ADAMTS3: variants seen among roughly 807,000 people sequenced by gnomAD.
ADAMTS3 encodes the protein A disintegrin and metalloproteinase with thrombospondin motifs 3.
A neutral mutation model predicts 129.0 loss-of-function variants in ADAMTS3; 73 were observed. That is an observed-to-expected ratio of 0.57 (90% CI 0.47 to 0.69). The LOEUF (loss-of-function observed/expected upper bound fraction) is 0.69. ADAMTS3 is among the 30% of genes least tolerant of loss of function. The pLI is 0.00. For missense variants in ADAMTS3, 1,457 were observed against 1,514.5 expected, an observed-to-expected ratio of 0.96 and a Z score of 0.63; for synonymous variants, 477 against 510.8, an observed-to-expected ratio of 0.93 and a Z score of 0.89.
At chr4:72,505,238 C>G (rs1392763787) in intron 3 of ADAMTS3, among the ~76,000 whole-genome samples, 1 of 151,848 alleles carries the variant, frequency 6.6e-6, no homozygotes, top group African/African-American at 2.4e-5. Flanking sequence ...TTTTCTTTTT[C>G]TCTATAATAC....
intron 3 of ADAMTS3, among the ~76,000 whole-genome samples, chr4:72,463,889 A>T (rs979813805): frequency 6.6e-6 from 1 of 151,846 alleles, no homozygotes; most frequent in Non-Finnish European, 1.5e-5. Flanking sequence ...GTGTTTCATC[A>T]ATTTAACATC....
At chr4:72,333,786 C>T (rs1719912183) in intron 5 of ADAMTS3, among the ~76,000 whole-genome samples, 1 of 150,592 alleles carries the variant, frequency 6.6e-6, no homozygotes, top group Non-Finnish European at 1.5e-5. Context: ...ATTTAATAAT[C>T]AATTCCTGAA....
chr4:72,462,984 A>G (rs745712726), intron 3 of ADAMTS3, among the ~76,000 whole-genome samples: 1 of 151,974 alleles, frequency 6.6e-6, no homozygotes, highest in African/African-American at 2.4e-5. Context: ...CACATCGCTC[A>G]CTCACTCAGA....
chr4:72,553,288 C>A (rs990406492), intron 2 of ADAMTS3, among the ~76,000 whole-genome samples: 27 of 152,056 alleles, frequency 1.8e-4, no homozygotes, highest in African/African-American at 6.5e-4. Flanking sequence ...TTTAAGCTAC[C>A]AAAAACAAGA....
At chr4:72,467,487 A>G (rs752553327) in intron 3 of ADAMTS3, among the ~76,000 whole-genome samples, 1 of 152,102 alleles carries the variant, frequency 6.6e-6, no homozygotes, top group Non-Finnish European at 1.5e-5. Flanking sequence ...TTCAAGAGAC[A>G]TGATTTTGAT....
Position 72,549,979 on chromosome 4 carries a change from AGAAGAAGAAGAAGAGGAAGAG to A in ADAMTS3, c.98-1116_98-1096del, listed in dbSNP as rs1560563779. ...AAAAAAAAAAAGAAGAAGAAGAAGAAGAAGAAGAAGAAGAGGAAGAGGAAGAAGAAGAAGAAGAAGAAGAAG... is the reference window on the plus strand; with the variant it reads ...AAAAAAAAAAAGAAGAAGAAGAAGAAGAAGAAGAAGAAGAAGAAGAAGAAG... On this transcript the variant is annotated intron_variant, in intron 2 of 21. Coordinates refer to ENST00000286657, the MANE Select transcript of ADAMTS3 (RefSeq NM_014243.3). Among the ~76,000 whole-genome samples, 75 of 30,222 alleles carry A rather than the reference AGAAGAAGAAGAAGAGGAAGAG, an allele frequency of 2.5e-3. 4 individuals are homozygous for A. Among genetic ancestry groups the A allele is most frequent in the African/African-American group, 0.013 (59 of 4,444 alleles). 19.8% of individuals were successfully genotyped at this position (30,222 alleles called of 152,430 possible). A position where few individuals can be genotyped will look rare whatever the true frequency, so the allele number is the denominator to read the frequency against.
rs1234239875 is a variant in ADAMTS3, at chr4:72,515,268, C to T, written c.504+33210G>A. Among the ~76,000 whole-genome samples, 4 of 151,734 alleles carry T rather than the reference C, an allele frequency of 2.6e-5. No homozygotes were observed. The East Asian group carries it at 5.8e-4, about 22-fold the overall frequency. On this transcript the variant is annotated intron_variant, in intron 3 of 21. Transcript: ENST00000286657. ...CATTTGGGTTGGTTCCAAGTCTTTG[C>T]TATTGTGAATAGTGCCGCAATAAAC... is the stretch of plus-strand genomic sequence containing the variant.
chr4:72,451,284 G>A (rs1346791738), intron 3 of ADAMTS3, among the ~76,000 whole-genome samples: 3 of 151,666 alleles, frequency 2.0e-5, no homozygotes, highest in Non-Finnish European at 4.4e-5. Context: ...CCTGGATAAA[G>A]TGCACCTGAG....
intron 5 of ADAMTS3, among the ~76,000 whole-genome samples, chr4:72,336,883 A>T (rs772308635): frequency 2.0e-5 from 3 of 152,086 alleles, no homozygotes; most frequent in Non-Finnish European, 4.4e-5. Flanking sequence ...ACAATAAAAA[A>T]AGTCTACAGA....
chr4:72,529,770 G>A (rs375119257), intron 3 of ADAMTS3, among the ~76,000 whole-genome samples: 30,999 of 94,656 alleles, frequency 0.33, 5,030 homozygotes, highest in Middle Eastern at 0.38. Context: ...ATTAATATAT[G>A]TTAATTAATA....
At chr4:72,335,628 T>A (rs1306090547) in intron 5 of ADAMTS3, among the ~76,000 whole-genome samples, 1 of 152,132 alleles carries the variant, frequency 6.6e-6, no homozygotes. Context: ...TGAGACTGTT[T>A]TATGAACTGT....
intron 3 of ADAMTS3, among the ~76,000 whole-genome samples, chr4:72,477,579 A>T (rs1158942295): frequency 2.0e-5 from 3 of 152,186 alleles, no homozygotes; most frequent in African/African-American, 7.2e-5. Flanking sequence ...AATGCCCACA[A>T]GAGAAAGCAG....
intron 2 of ADAMTS3, among the ~76,000 whole-genome samples, chr4:72,554,680 C>G (rs1205390911): frequency 6.6e-6 from 1 of 151,780 alleles, no homozygotes; most frequent in African/African-American, 2.4e-5. Context: ...AAACTAACCC[C>G]TTTTCTTCTA....
At position 72,285,218 on chromosome 4, in the gene ADAMTS3, TC is replaced by T. The variant is rs199919827; in HGVS notation, c.3050-1515del. ...ATTGAGCTGTAATACGATGTCCACT[TC>T]CCAAATTGTGAAATGACTCATATAT... On this transcript the variant is annotated intron_variant, in intron 21 of 21. Transcript: ENST00000286657. Among the ~76,000 whole-genome samples, 280 of 152,326 alleles carry T rather than the reference TC, an allele frequency of 1.8e-3. 1 individual carries two copies. Among genetic ancestry groups the T allele is most frequent in the African/African-American group, 6.5e-3 (272 of 41,588 alleles).
At chr4:72,469,356 A>C (rs1287451144) in intron 3 of ADAMTS3, among the ~76,000 whole-genome samples, 1 of 152,110 alleles carries the variant, frequency 6.6e-6, no homozygotes, top group African/African-American at 2.4e-5. Context: ...ACTCCAACCC[A>C]TAGAAGTGAT....
intron 4 of ADAMTS3, among the ~76,000 whole-genome samples, chr4:72,375,188 C>T (rs1271629018): frequency 1.3e-5 from 2 of 152,190 alleles, no homozygotes; most frequent in African/African-American, 4.8e-5. Context: ...AACTATGACT[C>T]AGTAAACCAT....
chr4:72,515,690 T>A (rs1250670699), intron 3 of ADAMTS3, among the ~76,000 whole-genome samples: 2 of 152,016 alleles, frequency 1.3e-5, no homozygotes, highest in African/African-American at 4.8e-5. Context: ...GTTGTTTGTT[T>A]GTTTCTTGTA....
chr4:72,490,663 G>A (rs957605330), intron 3 of ADAMTS3, among the ~76,000 whole-genome samples: 5 of 151,766 alleles, frequency 3.3e-5, no homozygotes, highest in East Asian at 1.9e-4. Context: ...CTGAGTATGC[G>A]TGAGTTTATC....
At chr4:72,345,366 A>C (rs1395815952) in intron 4 of ADAMTS3, among the ~76,000 whole-genome samples, 1 of 152,174 alleles carries the variant, frequency 6.6e-6, no homozygotes, top group Non-Finnish European at 1.5e-5. Flanking sequence ...AGTTAACTTA[A>C]ATAATTGTGT....
Sources: gnomAD v4.1 joint callset for allele counts (sites outside exome capture counted in the v4.1 genomes callset) on GRCh38, gnomAD v4.1.1 for gene constraint, MANE v1.5 for transcripts, NCBI Gene and HGNC (gene_info 2026-07-23, HGNC 2026-07-21) for gene names.